MPP7: variants seen among roughly 807,000 people sequenced by gnomAD.
The protein encoded by MPP7 is MAGUK p55 subfamily member 7.
In MPP7, 60 loss-of-function variants were observed where a neutral mutation model predicts 76.5. The observed-to-expected ratio is 0.78, with a 90% confidence interval of 0.64 to 0.97. The LOEUF (loss-of-function observed/expected upper bound fraction) is 0.97, where lower values mean the gene tolerates loss of function less well. Among genes scored for constraint, MPP7 ranks in the 50% least tolerant of loss-of-function variants. The pLI is 0.00. For missense variants in MPP7, 641 were observed against 694.0 expected, an observed-to-expected ratio of 0.92 and a Z score of 0.86; for synonymous variants, 237 against 244.5, an observed-to-expected ratio of 0.97 and a Z score of 0.29.
chr10:28,123,504 T>C (rs906228388), intron 8 of MPP7, among the ~76,000 whole-genome samples: 18 of 147,330 alleles, frequency 1.2e-4, no homozygotes, highest in African/African-American at 4.3e-4. Context: ...AGTCTTGCTA[T>C]GACGCCCAGG....
At chr10:28,092,200 G>A (rs1471389359) in intron 11 of MPP7, among the ~76,000 whole-genome samples, 1 of 152,212 alleles carries the variant, frequency 6.6e-6, no homozygotes, top group Non-Finnish European at 1.5e-5. Context: ...CTGATAACAT[G>A]TTTCTGTGGC....
chr10:28,120,335 C>G lies in MPP7; in HGVS notation c.746G>C (p.Cys249Ser). 6.2e-7 allele frequency: 1 copy of G among 1,614,020 alleles called. No individual in the cohort carries two copies. The highest frequency in any genetic ancestry group is 8.5e-7 in the Non-Finnish European group (1 of 1,179,938). ...YNPNEDKAIP[C>S]KEAGLSFKKG... is the part of the protein sequence containing the mutation. ...TTTGAAAGAAAGCCCAGCTTCCTTA[C>G]ATGGAATTGCCTTATCCTCATTAGG... The change falls in exon 10 of 17, where the codon TGT becomes TCT. Residue 249 changes from cysteine (C) to serine (S), a missense_variant. By Grantham distance (112) the Cys-to-Ser change is moderately radical (BLOSUM62 -1). Coordinates refer to ENST00000683449, the MANE Select transcript of MPP7 (RefSeq NM_001318170.2).
intron 2 of MPP7, among the ~76,000 whole-genome samples, chr10:28,234,983 T>C (rs1435070111): frequency 6.6e-6 from 1 of 152,188 alleles, no homozygotes; most frequent in Non-Finnish European, 1.5e-5. Flanking sequence ...TAATTTTTTG[T>C]ATTTTTAGTA....
chr10:28,300,836 G>A (rs1277088379), intron 1 of MPP7, among the ~76,000 whole-genome samples: 1 of 151,534 alleles, frequency 6.6e-6, no homozygotes, highest in Admixed American at 6.6e-5. Flanking sequence ...GCATGCGCCT[G>A]TAGTCCCAGC....
At chr10:28,071,815 A>C (rs1477315549) in intron 12 of MPP7, among the ~76,000 whole-genome samples, 2 of 152,204 alleles carry the variant, frequency 1.3e-5, no homozygotes, top group Non-Finnish European at 2.9e-5. Context: ...AGGAAAACAA[A>C]AGCCCAGTGG....
At chr10:28,132,007 A>G (rs1835209098) in intron 5 of MPP7, among the ~76,000 whole-genome samples, 1 of 152,078 alleles carries the variant, frequency 6.6e-6, no homozygotes, top group South Asian at 2.1e-4. Flanking sequence ...TTAAAAAGGT[A>G]GCAATTTGGG....
intron 2 of MPP7, among the ~76,000 whole-genome samples, chr10:28,310,861 T>C (rs566772561): frequency 6.6e-6 from 1 of 152,354 alleles, no homozygotes; most frequent in African/African-American, 2.4e-5. Context: ...TATATTTGGT[T>C]GGTGCAAAAG....
intron 12 of MPP7, among the ~76,000 whole-genome samples, chr10:28,070,473 A>T (rs996587098): frequency 2.6e-5 from 4 of 152,234 alleles, no homozygotes; most frequent in African/African-American, 9.7e-5. Flanking sequence ...AAGAAAATTC[A>T]ATTGCATAAT....
chr10:28,061,570 T>C lies in MPP7; in HGVS notation c.1205-1827A>G, dbSNP rs546344120. 4.6e-5 allele frequency among the ~76,000 whole-genome samples: 7 copies of C among 152,094 alleles called. No individual in the cohort carries two copies. In the East Asian group the frequency reaches 9.6e-4, roughly 21 times the overall value. ...GACCTATGAGAAAACACATATGTCA[T>C]AGGAGTACTAGAAGGAGAGGAAAAA... On this transcript the variant is annotated intron_variant, in intron 13 of 16. Transcript: ENST00000683449.
chr10:28,216,488 G>A (rs1189996494), intron 2 of MPP7, among the ~76,000 whole-genome samples: 1 of 152,168 alleles, frequency 6.6e-6, no homozygotes, highest in Non-Finnish European at 1.5e-5. Context: ...AATCCAAACT[G>A]AGACTCCAGG....
chr10:28,110,232 G>A (rs2133561569), intron 11 of MPP7, among the ~76,000 whole-genome samples: 1 of 152,026 alleles, frequency 6.6e-6, no homozygotes. Context: ...TGGGATTATA[G>A]GCACGCACCA....
At chr10:28,179,844 T>A (rs1271280932) in intron 3 of MPP7, among the ~76,000 whole-genome samples, 1 of 152,216 alleles carries the variant, frequency 6.6e-6, no homozygotes, top group Non-Finnish European at 1.5e-5. Context: ...ATTTTTACCA[T>A]CTGTATAATT....
At chr10:28,150,784 C>G (rs1835859346) in intron 3 of MPP7, among the ~76,000 whole-genome samples, 1 of 151,862 alleles carries the variant, frequency 6.6e-6, no homozygotes, top group Non-Finnish European at 1.5e-5. Flanking sequence ...CTTCATTTCC[C>G]ATTATTGTGA....
At chr10:28,128,143 A>G (rs1835078260) in intron 6 of MPP7, among the ~76,000 whole-genome samples, 1 of 152,192 alleles carries the variant, frequency 6.6e-6, no homozygotes, top group South Asian at 2.1e-4. Flanking sequence ...GGTTGTGAAC[A>G]GCAGGAGGGG....
intron 6 of MPP7, among the ~76,000 whole-genome samples, chr10:28,130,901 C>A (rs896209823): frequency 2.6e-5 from 4 of 152,146 alleles, no homozygotes; most frequent in Admixed American, 6.5e-5. Context: ...CATTTGATTT[C>A]ATATTCCAAT....
Position 28,177,110 on chromosome 10 carries a change from T to C in MPP7, c.156+25043A>G, listed in dbSNP as rs371379581. 5.3e-5 allele frequency among the ~76,000 whole-genome samples: 8 copies of C among 151,634 alleles called. No individual in the cohort carries two copies. The East Asian group carries it at 1.2e-3, about 22-fold the overall frequency. On this transcript the variant is annotated intron_variant, in intron 3 of 16. Transcript: ENST00000683449. ...CATCAAATATACAAAAATCTTTGTA[T>C]TCATACCGATAGTAAAAAGAGTTCT... is the stretch of plus-strand genomic sequence containing the variant.
chr10:28,320,932 A>T (rs1056032612), intron 2 of MPP7, among the ~76,000 whole-genome samples: 72 of 151,968 alleles, frequency 4.7e-4, no homozygotes, highest in Admixed American at 8.5e-4. Context: ...GAGGCAATTC[A>T]GGGGCAGACA....
Position 28,089,660 on chromosome 10 carries a change from C to A in MPP7, c.1123+11G>T. 1 of 1,609,036 alleles carries A rather than the reference C, an allele frequency of 6.2e-7. No homozygotes were observed. Among genetic ancestry groups the A allele is most frequent in the Non-Finnish European group, 8.5e-7 (1 of 1,177,678 alleles). ...ATTTCCTCAGAATTACTCACAGAAA[C>A]AAGCACTTACCAACCAAGACAACGA... On this transcript the variant is annotated intron_variant, in intron 12 of 16. Transcript: ENST00000683449.
chr10:28,281,955 C>G (rs1840686701), intron 1 of MPP7: 1 of 152,084 alleles, frequency 6.6e-6, no homozygotes, highest in South Asian at 2.1e-4. Context: ...TGGAAACCAG[C>G]GTTGCAGGAC....
Sources: gnomAD v4.1 joint callset for allele counts (sites outside exome capture counted in the v4.1 genomes callset) on GRCh38, gnomAD v4.1.1 for gene constraint, MANE v1.5 for transcripts, NCBI Gene and HGNC (gene_info 2026-07-23, HGNC 2026-07-21) for gene names.